The following PSD3 variants were observed in gnomAD, a reference collection of about 807,000 sequenced individuals.
PSD3 encodes pleckstrin and Sec7 domain containing 3.
PSD3 carries 49 observed loss-of-function variants against 105.5 expected under a neutral mutation model. That is an observed-to-expected ratio of 0.46 (90% confidence interval 0.37 to 0.59). The LOEUF is 0.59. PSD3 is among the 20% of genes least tolerant of loss of function. The pLI is 0.00. For missense variants in PSD3, 1,561 were observed against 1,263.8 expected, an observed-to-expected ratio of 1.24 and a Z score of -3.57; for synonymous variants, 557 against 457.8, an observed-to-expected ratio of 1.22 and a Z score of -2.77.
chr8:18,846,536 G>C (rs144991317), intron 4 of PSD3, among the ~76,000 whole-genome samples: 1 of 152,198 alleles, frequency 6.6e-6, no homozygotes, highest in African/African-American at 2.4e-5. Flanking sequence ...GAATGTCTCT[G>C]GGAGGTTGTA....
intron 7 of PSD3, 68 bp from the exon 8 acceptor site, chr8:18,799,421 C>A: frequency 8.3e-7 from 1 of 1,211,650 alleles, no homozygotes; most frequent in Non-Finnish European, 1.2e-6. Flanking sequence ...CTTATTATCA[C>A]TAATAGGATA....
At chr8:18,828,045 A>ATGTG (rs566093553) in intron 4 of PSD3, among the ~76,000 whole-genome samples, 6 of 126,220 alleles carry the variant, frequency 4.8e-5, no homozygotes, top group African/African-American at 9.4e-5. Flanking sequence ...TAATATATAT[A>ATGTG]TGTATATATA....
At position 18,529,453 on chromosome 8, in the gene PSD3, C is replaced by G. The variant is rs1302979812; in HGVS notation, c.*6290G>C. On this transcript the variant is annotated 3_prime_UTR_variant, in exon 16 of 16. Coordinates refer to ENST00000327040, the MANE Select transcript of PSD3 (RefSeq NM_015310.4). ...AGCATGTGTACACATGTCAGAGGTC[C>G]CAGACATGTCAACTTTTCTCCTTAT... 1 of 152,430 alleles carries G rather than the reference C, an allele frequency of 6.6e-6. No homozygotes were observed. Among genetic ancestry groups the G allele is most frequent in the Non-Finnish European group, 1.5e-5 (1 of 68,022 alleles). The allele number at this position is 152,430 out of a possible 1,614,324, so 9.4% of individuals were successfully genotyped here.
intron 1 of PSD3, among the ~76,000 whole-genome samples, chr8:18,938,447 C>A (rs1307239270): frequency 6.6e-6 from 1 of 151,956 alleles, no homozygotes; most frequent in Non-Finnish European, 1.5e-5. Context: ...CATGGCAAAA[C>A]CCCGTCTCTA....
intron 12 of PSD3, among the ~76,000 whole-genome samples, chr8:18,596,908 G>A (rs1297168778): frequency 6.6e-6 from 1 of 152,062 alleles, no homozygotes; most frequent in Non-Finnish European, 1.5e-5. Flanking sequence ...AACAACTAAT[G>A]CCAATCATTC....
At chr8:19,006,779 A>AT (rs1826702507) in intron 1 of PSD3, among the ~76,000 whole-genome samples, 4 of 152,070 alleles carry the variant, frequency 2.6e-5, no homozygotes, top group African/African-American at 9.6e-5. Context: ...CTATTCAGAC[A>AT]TTTTTCCTGT....
chr8:19,067,129 A>T (rs1829099214), intron 1 of PSD3, among the ~76,000 whole-genome samples: 1 of 152,228 alleles, frequency 6.6e-6, no homozygotes. Context: ...CATTTAAAAA[A>T]ATTGATCAGT....
At chr8:18,630,085 T>C (rs1265867211) in intron 11 of PSD3, among the ~76,000 whole-genome samples, 1 of 151,692 alleles carries the variant, frequency 6.6e-6, no homozygotes, top group African/African-American at 2.4e-5. Flanking sequence ...GATGGGCACG[T>C]CTTAACCCAT....
At chr8:18,626,489 C>G (rs1207962491) in intron 11 of PSD3, among the ~76,000 whole-genome samples, 1 of 152,116 alleles carries the variant, frequency 6.6e-6, no homozygotes, top group African/African-American at 2.4e-5. Context: ...AAATAAGTAT[C>G]TACTTTTTGT....
upstream of PSD3, among the ~76,000 whole-genome samples, chr8:19,016,029 A>G (rs987291104): frequency 3.3e-5 from 5 of 152,272 alleles, no homozygotes; most frequent in Non-Finnish European, 7.3e-5. Context: ...TACCACTACT[A>G]AGTCAATGAA....
intron 13 of PSD3, among the ~76,000 whole-genome samples, chr8:18,574,599 A>G (rs1344496612): frequency 6.6e-6 from 1 of 152,164 alleles, no homozygotes; most frequent in Admixed American, 6.5e-5. Context: ...GGACTACTAG[A>G]GCTCAGAAGG....
At chr8:18,555,855 T>C (rs1243303625) in intron 15 of PSD3, among the ~76,000 whole-genome samples, 1 of 152,208 alleles carries the variant, frequency 6.6e-6, no homozygotes, top group African/African-American at 2.4e-5. Context: ...CTTGTGCTTT[T>C]TTTGACTCCA....
chr8:18,807,153 C>G lies in PSD3; in HGVS notation c.1635-2255G>C, dbSNP rs541093837. 6.6e-5 allele frequency among the ~76,000 whole-genome samples: 10 copies of G among 152,316 alleles called. 1 individual carries two copies. The South Asian group carries it at 2.1e-3, about 32-fold the overall frequency. On this transcript the variant is annotated intron_variant, in intron 4 of 15. Transcript: ENST00000327040. ...AAAATAAATGCATTTCTAAGCAGAA[C>G]TGCTCCATCTTGTCACTTATTCTAC...
intron 9 of PSD3, among the ~76,000 whole-genome samples, chr8:18,657,929 T>C (rs1195739954): frequency 6.6e-6 from 1 of 152,244 alleles, no homozygotes; most frequent in Non-Finnish European, 1.5e-5. Flanking sequence ...AAAATTTTTC[T>C]AATACATTCA....
At chr8:18,967,160 A>AT (rs11440661) in intron 1 of PSD3, among the ~76,000 whole-genome samples, 74,490 of 147,136 alleles carry the variant, frequency 0.51, 18,854 homozygotes, top group Middle Eastern at 0.59. Context: ...TTCTTTATTT[A>AT]TTTTTTTTTT....
At chr8:18,963,566 G>A (rs1041680151) in intron 1 of PSD3, among the ~76,000 whole-genome samples, 2 of 152,136 alleles carry the variant, frequency 1.3e-5, no homozygotes, top group Non-Finnish European at 2.9e-5. Flanking sequence ...GGTAAGCAGA[G>A]ACCACCACAG....
intron 9 of PSD3, among the ~76,000 whole-genome samples, chr8:18,677,879 G>A (rs13258826): frequency 0.16 from 23,761 of 151,810 alleles, 2,492 homozygotes; most frequent in Non-Finnish European, 0.23. Flanking sequence ...GCGTGGTGGC[G>A]GGTGCCTGTA....
At chr8:18,674,614 T>G (rs1799968634) in intron 9 of PSD3, among the ~76,000 whole-genome samples, 1 of 152,064 alleles carries the variant, frequency 6.6e-6, no homozygotes, top group African/African-American at 2.4e-5. Context: ...CAGCAGGGGG[T>G]GGATGGGGCA....
intron 9 of PSD3, among the ~76,000 whole-genome samples, chr8:18,681,162 A>G (rs1800365331): frequency 6.6e-6 from 1 of 152,184 alleles, no homozygotes; most frequent in Non-Finnish European, 1.5e-5. Context: ...GCGAACCACG[A>G]GTTAATGGTA....
Sources: gnomAD v4.1 joint callset for allele counts (sites outside exome capture counted in the v4.1 genomes callset) on GRCh38, gnomAD v4.1.1 for gene constraint, MANE v1.5 for transcripts, NCBI Gene and HGNC (gene_info 2026-07-23, HGNC 2026-07-21) for gene names.